The following DAZAP1 variants were observed in gnomAD, a reference collection of about 807,000 sequenced individuals.
DAZAP1 encodes DAZ-associated protein 1.
In DAZAP1, 6 loss-of-function variants were observed where a neutral mutation model predicts 60.1. The ratio of observed to expected loss-of-function variants is 0.10; its 90% CI spans 0.05 to 0.20. The LOEUF (loss-of-function observed/expected upper bound fraction) is 0.20, where lower values mean the gene tolerates loss of function less well. Ranked by LOEUF, DAZAP1 falls within the 10% of genes least tolerant of loss-of-function variation. DAZAP1 has a pLI of 1.00. For missense variants in DAZAP1, 366 were observed against 560.4 expected (o/e 0.65, Z 3.50); for synonymous variants, 235 against 215.9 (o/e 1.09, Z -0.78).
chr19:1,411,924 A>G (rs2082842389), intron 1 of DAZAP1, among the ~76,000 whole-genome samples: 1 of 152,196 alleles, frequency 6.6e-6, no homozygotes, highest in African/African-American at 2.4e-5. Flanking sequence ...GGTCCCCGTG[A>G]CACCATGTCA....
chr19:1,430,270 C>CCCCCCTAAACACCAAAA lies in DAZAP1; in HGVS notation c.779_780insCCCCCTAAACACCAAAA (p.Phe262LeufsTer79). Reference sequence around the variant, plus strand: ...GGAAGAGGAGCCCCCCCGCCACCCCCACCGTTCACCTCCTACATCGTGTCC... The same window carrying CCCCCCTAAACACCAAAA: ...GGAAGAGGAGCCCCCCCGCCACCCCCCCCCCTAAACACCAAAAACCGTTCACCTCCTACATCGTGTCC... On this transcript the variant is annotated frameshift_variant, in exon 10 of 12. Coordinates refer to ENST00000233078, the MANE Select transcript of DAZAP1 (RefSeq NM_018959.4). LOFTEE classifies it high-confidence loss of function. The CCCCCCTAAACACCAAAA allele has an allele frequency of 7.3e-7, 1 of 1,368,654 alleles. No homozygotes were observed. Among genetic ancestry groups the CCCCCCTAAACACCAAAA allele is most frequent in the Non-Finnish European group, 1.0e-6 (1 of 979,208 alleles). The allele number at this position is 1,368,654 out of a possible 1,614,324, so 84.8% of individuals were successfully genotyped here. A position where few individuals can be genotyped will look rare whatever the true frequency, so the allele number is the denominator to read the frequency against.
rs1600218856 is a variant in DAZAP1, at chr19:1,422,060, T to C, written c.415-288T>C. On this transcript the variant is annotated intron_variant, in intron 5 of 11. Coordinates refer to ENST00000233078, the MANE Select transcript of DAZAP1 (RefSeq NM_018959.4). This position sits in a 1 kb window ranked among gnomAD's most constrained non-coding sequence, Gnocchi z 4.5. ...CGTGGTCGGCGTTGTTGGCCCTTCA[T>C]GTCCGTCAGCACACACGTGAGCGGG... 6.6e-6 allele frequency among the ~76,000 whole-genome samples: 1 copy of C among 152,228 alleles called. No homozygotes were observed. The highest frequency in any genetic ancestry group is 6.5e-5 in the Admixed American group (1 of 15,292).
rs201197822 is a variant in DAZAP1, at chr19:1,418,399, G to A, written c.237+29G>A. On this transcript the variant is annotated intron_variant, in intron 3 of 11. Coordinates refer to ENST00000233078, the MANE Select transcript of DAZAP1 (RefSeq NM_018959.4). The surrounding 1 kb of genome is among the most constrained non-coding windows in gnomAD (Gnocchi z 5.7). ...AGTGCCCTTCCGGGAGCTCACACCC[G>A]CTCTCTGTCTCCCCTGTCCTTCCTC... 6.2e-5 allele frequency: 100 copies of A among 1,605,592 alleles called. No homozygotes were observed. The highest frequency in any genetic ancestry group is 7.9e-5 in the Non-Finnish European group (93 of 1,174,212).
intron 10 of DAZAP1, among the ~76,000 whole-genome samples, chr19:1,430,846 G>A (rs974201386): frequency 2.5e-4 from 38 of 150,780 alleles, no homozygotes; most frequent in Admixed American, 2.3e-3. Flanking sequence ...TCAGTCTCCC[G>A]AGTAGCTGGG....
chr19:1,415,131 G>C (rs927715900), intron 1 of DAZAP1, among the ~76,000 whole-genome samples: 7 of 152,076 alleles, frequency 4.6e-5, no homozygotes, highest in Non-Finnish European at 8.8e-5. Context: ...TCAGCTGAGC[G>C]TTTCTAGCCC....
At chr19:1,424,232 C>G (rs1278258009) in intron 6 of DAZAP1, among the ~76,000 whole-genome samples, 2 of 152,048 alleles carry the variant, frequency 1.3e-5, no homozygotes, top group African/African-American at 2.4e-5. Flanking sequence ...CAGCCGCTGC[C>G]TCGTTCGCCT....
chr19:1,429,943 C>T (rs1201099310), intron 8 of DAZAP1, 24 bp from the exon 9 acceptor site: 11 of 1,560,136 alleles, frequency 7.1e-6, no homozygotes, highest in Middle Eastern at 1.7e-4. Flanking sequence ...CGGCGCCAAC[C>T]TCCTCTTCTG....
chr19:1,420,545 G>A (rs2083126466), intron 4 of DAZAP1, among the ~76,000 whole-genome samples: 1 of 151,880 alleles, frequency 6.6e-6, no homozygotes, highest in Admixed American at 6.6e-5. Context: ...CCAGCCCTAA[G>A]GGCAGCCCGG....
intron 2 of DAZAP1, 53 bp downstream of exon 2, chr19:1,417,593 G>A (rs2083025119): frequency 3.3e-6 from 5 of 1,526,132 alleles, no homozygotes; most frequent in Non-Finnish European, 4.5e-6. Context: ...CTAGGACCTC[G>A]GCCTTCAAGT....
rs2083311495 is a variant in DAZAP1, at chr19:1,426,665, A to G, written c.546+705A>G. The G allele has an allele frequency of 6.6e-6, 1 of 152,180 alleles. No homozygotes were observed. Among genetic ancestry groups the G allele is most frequent in the African/African-American group, 2.4e-5 (1 of 41,428 alleles). The allele number at this position is 152,180 out of a possible 1,614,324, so 9.4% of individuals were successfully genotyped here. A position where few individuals can be genotyped will look rare whatever the true frequency, so the allele number is the denominator to read the frequency against. ...ACCTGGACCCTTGGAGGTTCTTGAG[A>G]AGTGGACTCTGAAATAAATAACTGG... On this transcript the variant is annotated intron_variant, in intron 7 of 11. Coordinates refer to ENST00000233078, the MANE Select transcript of DAZAP1 (RefSeq NM_018959.4). The surrounding 1 kb of genome is among the most constrained non-coding windows in gnomAD (Gnocchi z 5.4).
chr19:1,417,028 T>TCCCC, intron 1 of DAZAP1: 1 of 206,920 alleles, frequency 4.8e-6, no homozygotes, highest in Non-Finnish European at 9.7e-6. Flanking sequence ...TCTGTCTGTG[T>TCCCC]CCCCCCACCC....
At position 1,429,709 on chromosome 19, in the gene DAZAP1, C is replaced by T. The variant is rs959978062; in HGVS notation, c.701-258C>T. On this transcript the variant is annotated intron_variant, in intron 8 of 11. Transcript: ENST00000233078. Reference sequence around the variant, plus strand: ...CCTCAGGTGGAGCCGGGAGGTCACCCGTGCCCCAGTCAGCAGACACAGTGC... The same window carrying T: ...CCTCAGGTGGAGCCGGGAGGTCACCTGTGCCCCAGTCAGCAGACACAGTGC... 3.9e-5 allele frequency among the ~76,000 whole-genome samples: 6 copies of T among 152,332 alleles called. No individual in the cohort carries two copies. The East Asian group carries it at 7.7e-4, about 20-fold the overall frequency.
At chr19:1,429,872 G>C in intron 8 of DAZAP1, 95 bp from the exon 9 acceptor site, 1 of 1,497,730 alleles carries the variant, frequency 6.7e-7, no homozygotes, top group Middle Eastern at 1.7e-4. Context: ...TCCGGGGTTG[G>C]TCCCAGCCCT....
chr19:1,417,210 CACCACTG>C, intron 1 of DAZAP1: 1 of 478,708 alleles, frequency 2.1e-6, no homozygotes, highest in South Asian at 2.6e-5. Context: ...GTGGTGCCGT[CACCACTG>C]GCCTGTCCCA....
At chr19:1,409,010 C>G (rs1259213329) in intron 1 of DAZAP1, among the ~76,000 whole-genome samples, 1 of 152,238 alleles carries the variant, frequency 6.6e-6, no homozygotes, top group Admixed American at 6.5e-5. Context: ...GCAGGCGCCT[C>G]TCGCACCAGC....
In DAZAP1 at chr19:1,432,832, G is replaced by A. The variant is rs2083488350; in HGVS notation, c.1048+142G>A. On this transcript the variant is annotated intron_variant, in intron 11 of 11. Transcript: ENST00000233078. The surrounding 1 kb of genome is among the most constrained non-coding windows in gnomAD (Gnocchi z 4.9). ...GGAGAGGGAGGAGAGGGGGGTGTGGGGGTTGTTGGAGAGATCTCGTGGCAA... is the reference window on the plus strand; with the variant it reads ...GGAGAGGGAGGAGAGGGGGGTGTGGAGGTTGTTGGAGAGATCTCGTGGCAA... 2 of 1,021,642 alleles carry A rather than the reference G, an allele frequency of 2.0e-6. No individual in the cohort carries two copies. The highest frequency in any genetic ancestry group is 2.8e-6 in the Non-Finnish European group (2 of 708,924). The allele number at this position is 1,021,642 out of a possible 1,614,324, so 63.3% of individuals were successfully genotyped here. A position where few individuals can be genotyped will look rare whatever the true frequency, so the allele number is the denominator to read the frequency against.
Position 1,422,856 on chromosome 19 carries a change from C to CT in DAZAP1, c.463+468dup, listed in dbSNP as rs1353611410. On this transcript the variant is annotated intron_variant, in intron 6 of 11. Transcript: ENST00000233078. This position sits in a 1 kb window ranked among gnomAD's most constrained non-coding sequence, Gnocchi z 4.5. ...TCTTTTTTCCTTTTCTTTTCTTTTT[C>CT]TTTTTTTTCAGTTTTCTCCCCTCTC... is the stretch of plus-strand genomic sequence containing the variant. Among the ~76,000 whole-genome samples, 8 of 149,372 alleles carry CT rather than the reference C, an allele frequency of 5.4e-5. 1 individual carries two copies. In the East Asian group the frequency reaches 9.8e-4, roughly 18 times the overall value.
rs776736787 is a variant in DAZAP1 at position 1,418,556 on chromosome 19, C to T, written c.238-110C>T. 69 of 1,454,032 alleles carry T rather than the reference C, an allele frequency of 4.7e-5. No homozygotes were observed. The highest frequency in any genetic ancestry group is 5.6e-5 in the Non-Finnish European group (58 of 1,040,982). The allele number at this position is 1,454,032 out of a possible 1,614,324, so 90.1% of individuals were successfully genotyped here. On this transcript the variant is annotated intron_variant, in intron 3 of 11. Transcript: ENST00000233078. The surrounding 1 kb of genome is among the most constrained non-coding windows in gnomAD (Gnocchi z 5.7). ...GAGGATACAGGGTGAATGGAGCCGG[C>T]GGGGCGGGGCGGGCCGGGCTGCTGT... is the stretch of plus-strand genomic sequence containing the variant.
intron 8 of DAZAP1, among the ~76,000 whole-genome samples, chr19:1,429,761 A>G: frequency 6.6e-6 from 1 of 152,056 alleles, no homozygotes; most frequent in Non-Finnish European, 1.5e-5. Context: ...CACAGAGGAG[A>G]GTGGCTTTAA....
Sources: gnomAD v4.1 joint callset for allele counts (sites outside exome capture counted in the v4.1 genomes callset) on GRCh38, gnomAD v4.1.1 for gene constraint, Gnocchi (gnomAD v3.1) non-coding constraint, MANE v1.5 for transcripts, NCBI Gene and HGNC (gene_info 2026-07-23, HGNC 2026-07-21) for gene names.